The following LRFN2 variants were observed in gnomAD, a reference collection of about 807,000 sequenced individuals.
The protein encoded by LRFN2 is leucine rich repeat and fibronectin type III domain containing 2, also known as leucine-rich repeat and fibronectin type-III domain-containing protein 2.
Under a neutral mutation model 37.3 loss-of-function variants are expected in LRFN2, and 18 were observed. The ratio of observed to expected loss-of-function variants is 0.48; its 90% confidence interval spans 0.33 to 0.72. The LOEUF is 0.72. Ranked by LOEUF, LRFN2 falls within the 30% of genes least tolerant of loss-of-function variation. The pLI is 0.02. For missense variants in LRFN2, 1,006 were observed against 1,060.7 expected, an observed-to-expected ratio of 0.95 and a Z score of 0.72; for synonymous variants, 556 against 466.6, an observed-to-expected ratio of 1.19 and a Z score of -2.47.
intron 1 of LRFN2, among the ~76,000 whole-genome samples, chr6:40,498,337 A>C (rs1211820126): frequency 6.6e-6 from 1 of 152,168 alleles, no homozygotes; most frequent in Non-Finnish European, 1.5e-5. Flanking sequence ...TTCATGGCTG[A>C]AGGGGTCTAC....
chr6:40,526,098 G>A (rs1201973542), intron 1 of LRFN2, among the ~76,000 whole-genome samples: 1 of 152,224 alleles, frequency 6.6e-6, no homozygotes, highest in Non-Finnish European at 1.5e-5. Flanking sequence ...CTGCTTATGG[G>A]CTGACTGCGT....
chr6:40,452,949 G>A (rs993224342), intron 1 of LRFN2, among the ~76,000 whole-genome samples: 3 of 152,222 alleles, frequency 2.0e-5, no homozygotes, highest in Non-Finnish European at 2.9e-5. Context: ...TAGGGCAAGA[G>A]ATTTGGTTGT....
intron 2 of LRFN2, among the ~76,000 whole-genome samples, chr6:40,427,048 A>G (rs1383473199): frequency 6.6e-6 from 1 of 152,244 alleles, no homozygotes; most frequent in East Asian, 1.9e-4. Context: ...ATTTCAGATG[A>G]GCCAGATTTT....
In LRFN2 at chr6:40,391,592, A is replaced by G. The variant is rs997349414; in HGVS notation, c.*351T>C. On this transcript the variant is annotated 3_prime_UTR_variant, in exon 3 of 3. Transcript: ENST00000338305. Reference sequence around the variant, plus strand: ...TGAATGAAGAGGAGGAGTCTGGGAAATGGAAAAAAAATAAATTAAGAAATA... The same window carrying G: ...TGAATGAAGAGGAGGAGTCTGGGAAGTGGAAAAAAAATAAATTAAGAAATA... The G allele has an allele frequency of 1.1e-5, 2 of 189,252 alleles. No homozygotes were observed. Among genetic ancestry groups the G allele is most frequent in the Admixed American group, 6.1e-5 (1 of 16,272 alleles). 11.7% of individuals were successfully genotyped at this position (189,252 alleles called of 1,614,324 possible). A position where few individuals can be genotyped will look rare whatever the true frequency, so the allele number is the denominator to read the frequency against.
chr6:40,449,951 A>T (rs917115250), intron 1 of LRFN2, among the ~76,000 whole-genome samples: 42 of 152,200 alleles, frequency 2.8e-4, no homozygotes, highest in African/African-American at 9.7e-4. Flanking sequence ...CTCACAATGA[A>T]ATCTTTTTCT....
Position 40,422,018 on chromosome 6 carries a change from G to A in LRFN2, c.1400+9696C>T, listed in dbSNP as rs1763238930. 2.0e-5 allele frequency among the ~76,000 whole-genome samples: 3 copies of A among 152,190 alleles called. No individual in the cohort carries two copies. The South Asian group carries it at 6.2e-4, about 31-fold the overall frequency. ...GAGAAGGGAGATCTCAAGAGCCCAT[G>A]TCTGGAGCCCCTGATTCCATCTTTC... On this transcript the variant is annotated intron_variant, in intron 2 of 2. Coordinates refer to ENST00000338305, the MANE Select transcript of LRFN2 (RefSeq NM_020737.3).
intron 1 of LRFN2, among the ~76,000 whole-genome samples, chr6:40,575,700 C>T (rs1012907485): frequency 2.0e-5 from 3 of 152,118 alleles, no homozygotes; most frequent in African/African-American, 7.2e-5. Context: ...GCCATCCCAC[C>T]CCATCCCCAC....
At chr6:40,581,565 C>T (rs747910779) in intron 1 of LRFN2, among the ~76,000 whole-genome samples, 22 of 152,216 alleles carry the variant, frequency 1.4e-4, no homozygotes, top group Non-Finnish European at 2.9e-4. Context: ...CCCAGGGGGG[C>T]ATTTCTAGGT....
intron 1 of LRFN2, among the ~76,000 whole-genome samples, chr6:40,439,171 C>A (rs1437548775): frequency 9.2e-5 from 14 of 152,164 alleles, no homozygotes; most frequent in Admixed American, 9.2e-4. Context: ...TCTCTGTACC[C>A]TGATTTCCAT....
At chr6:40,514,859 C>A (rs1561889338) in intron 1 of LRFN2, among the ~76,000 whole-genome samples, 1 of 152,294 alleles carries the variant, frequency 6.6e-6, no homozygotes, top group South Asian at 2.1e-4. Context: ...TCAAACAGTT[C>A]CCATTTCTTA....
At chr6:40,462,306 G>T (rs1764365271) in intron 1 of LRFN2, among the ~76,000 whole-genome samples, 1 of 152,210 alleles carries the variant, frequency 6.6e-6, no homozygotes, top group South Asian at 2.1e-4. Flanking sequence ...GTAGGAATGT[G>T]TGGATTACAA....
chr6:40,538,307 C>T (rs763485189), intron 1 of LRFN2, among the ~76,000 whole-genome samples: 1 of 152,078 alleles, frequency 6.6e-6, no homozygotes, highest in African/African-American at 2.4e-5. Context: ...CCCCTACTCC[C>T]GGGCCTCCAG....
chr6:40,573,221 T>C (rs1767217455), intron 1 of LRFN2, among the ~76,000 whole-genome samples: 2 of 152,196 alleles, frequency 1.3e-5, no homozygotes, highest in Admixed American at 1.3e-4. Flanking sequence ...TAAAAGTACC[T>C]GCCCTGACTA....
chr6:40,452,842 G>A (rs1367474779), intron 1 of LRFN2, among the ~76,000 whole-genome samples: 2 of 152,168 alleles, frequency 1.3e-5, no homozygotes, highest in Non-Finnish European at 2.9e-5. Flanking sequence ...GGAAGCAGAG[G>A]GTGAGAAAGA....
chr6:40,393,330 G>T (rs1353755167), intron 2 of LRFN2, among the ~76,000 whole-genome samples: 1 of 151,952 alleles, frequency 6.6e-6, no homozygotes, highest in Non-Finnish European at 1.5e-5. Context: ...CCAAGGATGT[G>T]TCAGAGACCG....
intron 1 of LRFN2, among the ~76,000 whole-genome samples, chr6:40,555,246 A>G (rs6935251): frequency 0.47 from 72,126 of 152,024 alleles, 18,153 homozygotes; most frequent in African/African-American, 0.64. Flanking sequence ...GGAAGAAGCC[A>G]TGCCAGTGAG....
rs561848007 is a variant in LRFN2 at position 40,462,514 on chromosome 6, C to T, written c.-18-29383G>A. On this transcript the variant is annotated intron_variant, in intron 1 of 2. Coordinates refer to ENST00000338305, the MANE Select transcript of LRFN2 (RefSeq NM_020737.3). ...AAGGCCTTCTCCTACCTCACTCTTT[C>T]GCTCCCTCATTCCAAGAATTTTTAC... 1.1e-3 allele frequency among the ~76,000 whole-genome samples: 175 copies of T among 152,214 alleles called. 1 individual carries two copies. Among genetic ancestry groups the T allele is most frequent in the Non-Finnish European group, 1.2e-3 (82 of 68,012 alleles).
intron 1 of LRFN2, among the ~76,000 whole-genome samples, chr6:40,439,573 C>T (rs1763781123): frequency 6.6e-6 from 1 of 152,196 alleles, no homozygotes; most frequent in Admixed American, 6.5e-5. Flanking sequence ...CATGTGCCAG[C>T]TCCAGTGTGA....
At chr6:40,496,983 A>C (rs1348485776) in intron 1 of LRFN2, among the ~76,000 whole-genome samples, 1 of 152,104 alleles carries the variant, frequency 6.6e-6, no homozygotes, top group Non-Finnish European at 1.5e-5. Flanking sequence ...CATACCCAAC[A>C]CACCTCCTGG....
Sources: allele counts gnomAD v4.1 joint callset (sites outside exome capture counted in the v4.1 genomes callset), GRCh38; gene constraint gnomAD v4.1.1; transcripts MANE v1.5; gene names NCBI Gene and HGNC (gene_info 2026-07-23, HGNC 2026-07-21).